PCSK2: variants seen among roughly 807,000 people sequenced by gnomAD.
The protein encoded by PCSK2 is proprotein convertase subtilisin/kexin type 2, also known as neuroendocrine convertase 2.
In PCSK2, 14 loss-of-function variants were observed where a neutral mutation model predicts 69.7. The ratio of observed to expected loss-of-function variants is 0.20; its 90% CI spans 0.13 to 0.31. The LOEUF (loss-of-function observed/expected upper bound fraction) is 0.31, where lower values mean the gene tolerates loss of function less well. Among genes scored for constraint, PCSK2 ranks in the 10% least tolerant of loss-of-function variants. The pLI is 1.00. For missense variants in PCSK2, 544 were observed against 842.5 expected (o/e 0.65, Z 4.39); for synonymous variants, 307 against 320.7 (o/e 0.96, Z 0.46).
chr20:17,397,486 A>AT (rs11481580), intron 5 of PCSK2, among the ~76,000 whole-genome samples: 96,754 of 147,942 alleles, frequency 0.65, 31,949 homozygotes, highest in East Asian at 0.82. Context: ...AATTCAATAT[A>AT]TTTTTTTTTT....
At chr20:17,394,460 C>T (rs538969396) in intron 5 of PCSK2, among the ~76,000 whole-genome samples, 3 of 152,064 alleles carry the variant, frequency 2.0e-5, no homozygotes, top group East Asian at 3.9e-4. Context: ...CCACTTGGAG[C>T]GAACCGTAGG....
chr20:17,351,779 G>A (rs1043961427), intron 2 of PCSK2, among the ~76,000 whole-genome samples: 1 of 152,026 alleles, frequency 6.6e-6, no homozygotes. Context: ...TTCCCCTTGA[G>A]GACAGAAACA....
At chr20:17,296,129 G>A (rs1475493425) in intron 2 of PCSK2, among the ~76,000 whole-genome samples, 2 of 152,208 alleles carry the variant, frequency 1.3e-5, no homozygotes, top group African/African-American at 4.8e-5. Flanking sequence ...CCAATGAGCA[G>A]AAATGTGACT....
chr20:17,314,175 G>A lies in PCSK2; in HGVS notation c.283-44152G>A, dbSNP rs550682486. 3.9e-5 allele frequency among the ~76,000 whole-genome samples: 6 copies of A among 152,224 alleles called. No individual in the cohort carries two copies. In the East Asian group the frequency reaches 9.7e-4, roughly 25 times the overall value. ...GCCATTTAAACCCTGTCTTGAAATA[G>A]CAACTCACTGGATAAATGGACCTAC... is the stretch of plus-strand genomic sequence containing the variant. On this transcript the variant is annotated intron_variant, in intron 2 of 11. Coordinates refer to ENST00000262545, the MANE Select transcript of PCSK2 (RefSeq NM_002594.5).
At chr20:17,438,678 G>A (rs1268847999) in intron 8 of PCSK2, among the ~76,000 whole-genome samples, 1 of 152,110 alleles carries the variant, frequency 6.6e-6, no homozygotes, top group Non-Finnish European at 1.5e-5. Context: ...GGCTGCTGAT[G>A]GCTCACAGTG....
chr20:17,408,437 C>T (rs891275251), intron 5 of PCSK2, among the ~76,000 whole-genome samples: 1 of 151,668 alleles, frequency 6.6e-6, no homozygotes, highest in East Asian at 1.9e-4. Context: ...GTTTTAGTGG[C>T]TACATAATTA....
intron 11 of PCSK2, among the ~76,000 whole-genome samples, chr20:17,469,114 A>G (rs917377756): frequency 6.6e-6 from 1 of 152,100 alleles, no homozygotes; most frequent in Non-Finnish European, 1.5e-5. Context: ...GTTCCTCACC[A>G]TTTTCCAAAG....
chr20:17,450,724 G>A (rs6111540), intron 8 of PCSK2, among the ~76,000 whole-genome samples: 59,480 of 151,928 alleles, frequency 0.39, 11,991 homozygotes, highest in South Asian at 0.59. Context: ...TCTTCCCATG[G>A]TGGAAGGGCC....
intron 2 of PCSK2, among the ~76,000 whole-genome samples, chr20:17,307,622 C>A (rs1259759746): frequency 6.6e-6 from 1 of 152,150 alleles, no homozygotes. Context: ...TATCCCTTCA[C>A]CAAGATTGTA....
At chr20:17,370,376 T>G (rs1181776283) in intron 5 of PCSK2, among the ~76,000 whole-genome samples, 3 of 152,212 alleles carry the variant, frequency 2.0e-5, no homozygotes, top group Non-Finnish European at 4.4e-5. Context: ...ATGTGTTTCA[T>G]GCACTGGGCA....
chr20:17,229,866 G>C (rs555496280), intron 1 of PCSK2, among the ~76,000 whole-genome samples: 12 of 152,274 alleles, frequency 7.9e-5, no homozygotes, highest in African/African-American at 2.6e-4. Context: ...TTATGCGACT[G>C]ATAGGCAAAC....
At position 17,481,732 on chromosome 20, in the gene PCSK2, TCC is replaced by T; in HGVS notation, c.1582_1583del (p.Pro528TyrfsTer15). 1 of 1,614,074 alleles carries T rather than the reference TCC, an allele frequency of 6.2e-7. No individual in the cohort carries two copies. On this transcript the variant is annotated frameshift_variant, in exon 12 of 12. Coordinates refer to ENST00000262545, the MANE Select transcript of PCSK2 (RefSeq NM_002594.5). LOFTEE classifies it high-confidence loss of function. ...AGGAGACCTGAACATCAACATGACT[TCC>T]CCTATGGGCACCAAGTCCATTTTGC... ...RRGDLNINMTSPMGTKSILLS... is the reference protein window; with the variant it reads ...RRGDLNINMTXPMGTKSILLS...
chr20:17,377,457 T>C (rs559595458), intron 5 of PCSK2, among the ~76,000 whole-genome samples: 1 of 152,358 alleles, frequency 6.6e-6, no homozygotes, highest in African/African-American at 2.4e-5. Context: ...AGGGGGCATG[T>C]GGCCTCCATG....
chr20:17,242,959 C>T (rs1326609830), intron 1 of PCSK2, among the ~76,000 whole-genome samples: 1 of 152,166 alleles, frequency 6.6e-6, no homozygotes, highest in Admixed American at 6.5e-5. Flanking sequence ...TTCTGTGCAT[C>T]CATATGCCAC....
At position 17,342,576 on chromosome 20, in the gene PCSK2, C is replaced by A. The variant is rs1372678884; in HGVS notation, c.283-15751C>A. Among the ~76,000 whole-genome samples, 3 of 152,136 alleles carry A rather than the reference C, an allele frequency of 2.0e-5. No homozygotes were observed. The East Asian group carries it at 5.8e-4, about 29-fold the overall frequency. On this transcript the variant is annotated intron_variant, in intron 2 of 11. Transcript: ENST00000262545. ...CAAGCGCTCCACCTGCCTCAGCCTT[C>A]CAAAGTGCTGGGATTACAGGCATGA...
At chr20:17,459,612 C>T (rs892136927) in intron 10 of PCSK2, among the ~76,000 whole-genome samples, 4 of 152,198 alleles carry the variant, frequency 2.6e-5, no homozygotes, top group African/African-American at 9.7e-5. Flanking sequence ...TTTTAGCATT[C>T]TTATGGATGT....
chr20:17,449,526 G>GTATATATATATATATATATA, intron 8 of PCSK2, among the ~76,000 whole-genome samples: 1 of 130,690 alleles, frequency 7.7e-6, no homozygotes, highest in African/African-American at 3.0e-5. Flanking sequence ...ATGTATGTAT[G>GTATATATATATATATATATA]TATATATATA....
intron 2 of PCSK2, among the ~76,000 whole-genome samples, chr20:17,322,224 G>A (rs1989890972): frequency 6.6e-6 from 1 of 152,166 alleles, no homozygotes; most frequent in African/African-American, 2.4e-5. Flanking sequence ...TTCGAAGTTG[G>A]TCTTGCAAGG....
chr20:17,432,264 C>T (rs1475117023), intron 7 of PCSK2, among the ~76,000 whole-genome samples: 1 of 152,100 alleles, frequency 6.6e-6, no homozygotes, highest in East Asian at 1.9e-4. Flanking sequence ...CTTGGTGTGT[C>T]CCAAAGGTTA....
Sources: gnomAD v4.1 joint callset for allele counts (sites outside exome capture counted in the v4.1 genomes callset) on GRCh38, gnomAD v4.1.1 for gene constraint, MANE v1.5 for transcripts, NCBI Gene and HGNC (gene_info 2026-07-23, HGNC 2026-07-21) for gene names.